CLTC: variants seen among roughly 807,000 people sequenced by gnomAD.
CLTC encodes clathrin heavy chain 1.
A neutral mutation model predicts 195.8 loss-of-function variants in CLTC; 16 were observed. The ratio of observed to expected loss-of-function variants is 0.08; its 90% CI spans 0.06 to 0.12. The LOEUF (loss-of-function observed/expected upper bound fraction) is 0.12. Among genes scored for constraint, CLTC ranks in the 10% least tolerant of loss-of-function variants. The pLI is 1.00. For missense variants in CLTC, 796 were observed against 2,027.0 expected (o/e 0.39, Z 11.66); for synonymous variants, 667 against 689.4 (o/e 0.97, Z 0.51).
chr17:59,656,579 ATAT>A (rs1168097349), intron 6 of CLTC, among the ~76,000 whole-genome samples: 2 of 152,050 alleles, frequency 1.3e-5, no homozygotes, highest in Non-Finnish European at 2.9e-5. Flanking sequence ...GGTAGGAAAA[ATAT>A]TATCCGTTCT....
At chr17:59,656,397 A>G (rs908164073) in intron 6 of CLTC, among the ~76,000 whole-genome samples, 2 of 38,236 alleles carry the variant, frequency 5.2e-5, no homozygotes, top group South Asian at 1.7e-3. Flanking sequence ...TTGACAGACT[A>G]TTTTTTTAAG....
chr17:59,673,946 TGGAATACA>T (rs928887014), intron 15 of CLTC, among the ~76,000 whole-genome samples, 174 bp downstream of exon 15: 12 of 152,246 alleles, frequency 7.9e-5, no homozygotes, highest in African/African-American at 2.9e-4. Context: ...TCACCCATGC[TGGAATACA>T]GTGGCACAAT....
intron 17 of CLTC, among the ~76,000 whole-genome samples, chr17:59,678,356 C>G (rs1310603689): frequency 6.6e-6 from 1 of 151,748 alleles, no homozygotes; most frequent in Non-Finnish European, 1.5e-5. Flanking sequence ...TACCCTCTCC[C>G]TTAATTTAGC....
intron 1 of CLTC, among the ~76,000 whole-genome samples, chr17:59,643,985 A>G (rs889067089): frequency 6.6e-6 from 1 of 152,166 alleles, no homozygotes; most frequent in African/African-American, 2.4e-5. Context: ...AAGAAACTCA[A>G]TTACCTCAAA....
intron 16 of CLTC, among the ~76,000 whole-genome samples, chr17:59,676,308 C>T (rs1383220399): frequency 6.6e-6 from 1 of 152,192 alleles, no homozygotes; most frequent in African/African-American, 2.4e-5. Flanking sequence ...CTATTAAACC[C>T]AGAGCTTCTA....
chr17:59,683,771 T>G lies in CLTC; in HGVS notation c.4323+15T>G. 1.9e-6 allele frequency: 3 copies of G among 1,614,100 alleles called. No individual in the cohort carries two copies. Among genetic ancestry groups the G allele is most frequent in the Non-Finnish European group, 2.5e-6 (3 of 1,179,982 alleles). ...ATTTCAGCAAGGTAAAGTAATAATT[T>G]TAAACCAAAGCTTCATAGCAAGGAA... On this transcript the variant is annotated intron_variant, in intron 27 of 31. Transcript: ENST00000269122. The surrounding 1 kb of genome is among the most constrained non-coding windows in gnomAD (Gnocchi z 6.1).
chr17:59,629,666 G>T (rs184059990), intron 1 of CLTC, among the ~76,000 whole-genome samples: 2 of 151,784 alleles, frequency 1.3e-5, no homozygotes, highest in Admixed American at 1.3e-4. Context: ...GATTACAGGT[G>T]CCCGCCACCA....
chr17:59,637,065 A>G (rs1032907764), intron 1 of CLTC, among the ~76,000 whole-genome samples: 3 of 151,112 alleles, frequency 2.0e-5, no homozygotes, highest in Non-Finnish European at 4.4e-5. Flanking sequence ...TACAGGAATG[A>G]GCCACCGTAC....
Position 59,648,143 on chromosome 17 carries a change from A to G in CLTC, c.520-97A>G. 1 of 1,133,780 alleles carries G rather than the reference A, an allele frequency of 8.8e-7. No individual in the cohort carries two copies. Among genetic ancestry groups the G allele is most frequent in the Non-Finnish European group, 1.3e-6 (1 of 798,244 alleles). 70.2% of individuals were successfully genotyped at this position (1,133,780 alleles called of 1,614,324 possible). A position where few individuals can be genotyped will look rare whatever the true frequency, so the allele number is the denominator to read the frequency against. ...GTGACAAATAATTATAAATCCTGCT[A>G]AAGATGACAAAGCATTCTAATTATT... On this transcript the variant is annotated intron_variant, in intron 3 of 31. Transcript: ENST00000269122. This position sits in a 1 kb window ranked among gnomAD's most constrained non-coding sequence, Gnocchi z 4.5.
rs115158485 is a variant in CLTC at position 59,651,655 on chromosome 17, T to A, written c.795+339T>A. Reference sequence around the variant, plus strand: ...AATAGCATTGTCTAGAAAAACAGTATACATACTGTAATTTAAAAATACTTT... The same window carrying A: ...AATAGCATTGTCTAGAAAAACAGTAAACATACTGTAATTTAAAAATACTTT... On this transcript the variant is annotated intron_variant, in intron 5 of 31. Coordinates refer to ENST00000269122, the MANE Select transcript of CLTC (RefSeq NM_004859.4). Among the ~76,000 whole-genome samples, 399 of 152,344 alleles carry A rather than the reference T, an allele frequency of 2.6e-3. 6 individuals carry two copies. The highest frequency in any genetic ancestry group is 9.2e-3 in the African/African-American group (382 of 41,578).
At chr17:59,689,178 T>A (rs1308094572) in intron 30 of CLTC, 2 of 152,190 alleles carry the variant, frequency 1.3e-5, no homozygotes, top group Non-Finnish European at 2.9e-5. Context: ...TTAAACCACA[T>A]TTCATCTGAA....
At chr17:59,638,601 C>G (rs1041170373) in intron 1 of CLTC, among the ~76,000 whole-genome samples, 2 of 152,058 alleles carry the variant, frequency 1.3e-5, no homozygotes, top group Admixed American at 6.6e-5. Context: ...ATTGTTTCAC[C>G]TCAGATCACA....
At chr17:59,657,139 T>C (rs2032490250) in intron 6 of CLTC, among the ~76,000 whole-genome samples, 1 of 152,184 alleles carries the variant, frequency 6.6e-6, no homozygotes, top group African/African-American at 2.4e-5. Flanking sequence ...TTGTTTCTCC[T>C]TCATTCAGTT....
intron 1 of CLTC, 99 bp downstream of exon 1, chr17:59,620,272 C>G: frequency 2.2e-5 from 26 of 1,187,776 alleles, no homozygotes; most frequent in East Asian, 4.9e-5. Flanking sequence ...GCTGGAGGGG[C>G]GGGGGGGTTG....
intron 16 of CLTC, among the ~76,000 whole-genome samples, chr17:59,675,979 A>T (rs1426151087): frequency 1.3e-5 from 2 of 152,224 alleles, no homozygotes; most frequent in Non-Finnish European, 2.9e-5. Context: ...TAACCATGTG[A>T]ATTTGATATA....
In CLTC at chr17:59,644,311, C is replaced by G. The variant is rs199808991; in HGVS notation, c.78C>G (p.Gly26=). ...TGGGTATCAACCCAGCAAACATTGG[C>G]TTCAGTACCCTGACTATGGAGTCTG... is the stretch of plus-strand genomic sequence containing the variant. The part of the protein sequence containing the change: ...QNLGINPANI[G]FSTLTMESDK... Residue 26 remains glycine, a synonymous_variant, in exon 2 of 32, where the codon GGC becomes GGG. Transcript: ENST00000269122. 6.2e-7 allele frequency: 1 copy of G among 1,614,104 alleles called. No homozygotes were observed. The highest frequency in any genetic ancestry group is 2.2e-5 in the East Asian group (1 of 44,880).
At position 59,679,124 on chromosome 17, in the gene CLTC, A is replaced by G. The variant is rs1455999348; in HGVS notation, c.2797-273A>G. On this transcript the variant is annotated intron_variant, in intron 17 of 31. Coordinates refer to ENST00000269122, the MANE Select transcript of CLTC (RefSeq NM_004859.4). Reference sequence around the variant, plus strand: ...TGCTCATTTATGTACATACATGTGCATATACGCATGGAAAAATAAACACAC... The same window carrying G: ...TGCTCATTTATGTACATACATGTGCGTATACGCATGGAAAAATAAACACAC... Among the ~76,000 whole-genome samples the G allele has an allele frequency of 4.6e-5, 7 of 152,226 alleles. No homozygotes were observed. The East Asian group carries it at 9.6e-4, about 21-fold the overall frequency.
At chr17:59,623,945 T>C (rs113397440) in intron 1 of CLTC, among the ~76,000 whole-genome samples, 3,871 of 152,312 alleles carry the variant, frequency 0.025, 67 homozygotes, top group Middle Eastern at 0.13. Context: ...TGCTGATGTG[T>C]TTTGTAAGTT....
At chr17:59,671,803 A>T (rs868693707) in intron 14 of CLTC, among the ~76,000 whole-genome samples, 1 of 152,076 alleles carries the variant, frequency 6.6e-6, no homozygotes, top group Non-Finnish European at 1.5e-5. Flanking sequence ...CTATTCTCTC[A>T]TGACCTTCTT....
Sources: allele counts gnomAD v4.1 joint callset (sites outside exome capture counted in the v4.1 genomes callset), GRCh38; gene constraint gnomAD v4.1.1; non-coding constraint Gnocchi (gnomAD v3.1); transcripts MANE v1.5; gene names NCBI Gene and HGNC (gene_info 2026-07-23, HGNC 2026-07-21).